Variants in RFC3 observed in about 807,000 individuals in gnomAD.
RFC3 encodes A1 38 kDa subunit.
RFC3 carries 41 observed loss-of-function variants against 45.1 expected under a neutral mutation model. The ratio of observed to expected loss-of-function variants is 0.91; its 90% CI spans 0.71 to 1.18. The LOEUF (loss-of-function observed/expected upper bound fraction) is 1.18. Ranked by LOEUF, RFC3 falls within the 50% of genes most tolerant of loss-of-function variation. RFC3 has a pLI of 0.00. For missense variants in RFC3, 423 were observed against 428.1 expected, an observed-to-expected ratio of 0.99 and a Z score of 0.10; for synonymous variants, 149 against 144.0, an observed-to-expected ratio of 1.03 and a Z score of -0.25.
intron 8 of RFC3, among the ~76,000 whole-genome samples, chr13:33,965,370 A>T (rs759913587): frequency 2.6e-4 from 39 of 152,262 alleles, no homozygotes; most frequent in Non-Finnish European, 5.3e-4. Context: ...CACAAATACC[A>T]TTGCCAAGAG....
At chr13:33,818,719 G>T (rs2081972190) in intron 1 of RFC3, among the ~76,000 whole-genome samples, 1 of 152,102 alleles carries the variant, frequency 6.6e-6, no homozygotes, top group Non-Finnish European at 1.5e-5. Flanking sequence ...AGAAGCCGTT[G>T]GAGCATTTTG....
At chr13:33,840,068 G>A (rs1593627194), downstream of RFC3, among the ~76,000 whole-genome samples, 1 of 152,154 alleles carries the variant, frequency 6.6e-6, no homozygotes, top group East Asian at 1.9e-4. Flanking sequence ...AACAGTTTGA[G>A]TAAGAAGCGT....
chr13:33,939,223 A>G (rs2082908511), intron 8 of RFC3, among the ~76,000 whole-genome samples: 1 of 152,192 alleles, frequency 6.6e-6, no homozygotes, highest in African/African-American at 2.4e-5. Flanking sequence ...TTTAATTTAA[A>G]TATAGTCCAA....
In RFC3 at chr13:33,917,917, A is replaced by G. The variant is rs900083037; in HGVS notation, c.880-48170A>G. Among the ~76,000 whole-genome samples the G allele has an allele frequency of 2.4e-4, 36 of 152,222 alleles. 1 individual carries two copies. Among genetic ancestry groups the G allele is most frequent in the African/African-American group, 8.7e-4 (36 of 41,550 alleles). Reference sequence around the variant, plus strand: ...GGGGCAGCCAGTAAGGGGGTGTCAGAGATGAATCTGAAGGATCTGGTTTTA... The same window carrying G: ...GGGGCAGCCAGTAAGGGGGTGTCAGGGATGAATCTGAAGGATCTGGTTTTA... On this transcript the variant is annotated intron_variant, in intron 8 of 8. Transcript: ENST00000434425.
At chr13:33,946,909 T>G (rs1246341829) in intron 8 of RFC3, among the ~76,000 whole-genome samples, 2 of 152,246 alleles carry the variant, frequency 1.3e-5, no homozygotes, top group Admixed American at 1.3e-4. Flanking sequence ...GTTGGCAGTT[T>G]GTACAGATCT....
chr13:33,849,560 T>G (rs2082262811), intron 8 of RFC3: 1 of 152,148 alleles, frequency 6.6e-6, no homozygotes. Flanking sequence ...GTGATTTTTT[T>G]TTTTAAGTGA....
chr13:33,932,467 T>A (rs1161893700), intron 8 of RFC3, among the ~76,000 whole-genome samples: 1 of 152,146 alleles, frequency 6.6e-6, no homozygotes, highest in Non-Finnish European at 1.5e-5. Context: ...TTTATTGGGA[T>A]CTTCTTTCAT....
At chr13:33,844,297 G>A (rs1208602984) in intron 8 of RFC3, among the ~76,000 whole-genome samples, 1 of 152,188 alleles carries the variant, frequency 6.6e-6, no homozygotes, top group Non-Finnish European at 1.5e-5. Context: ...TGTTAGTGAT[G>A]ACTGTGGCCT....
chr13:33,945,669 A>G (rs901431786), intron 8 of RFC3, among the ~76,000 whole-genome samples: 1 of 152,212 alleles, frequency 6.6e-6, no homozygotes, highest in Non-Finnish European at 1.5e-5. Context: ...AGATTGGCAA[A>G]TGATAACACT....
At chr13:33,925,485 TAC>T (rs1445595734) in intron 8 of RFC3, among the ~76,000 whole-genome samples, 2 of 142,508 alleles carry the variant, frequency 1.4e-5, no homozygotes, top group Admixed American at 1.4e-4. Context: ...TATACATACA[TAC>T]ATAGTGTACT....
intron 8 of RFC3, among the ~76,000 whole-genome samples, chr13:33,912,464 G>C (rs558829697): frequency 2.6e-4 from 39 of 152,230 alleles, no homozygotes; most frequent in African/African-American, 8.9e-4. Context: ...CTTTGAAATA[G>C]ATAGAGGTTA....
intron 8 of RFC3, among the ~76,000 whole-genome samples, chr13:33,888,324 C>G (rs1436935031): frequency 2.6e-5 from 4 of 152,200 alleles, no homozygotes; most frequent in Admixed American, 6.5e-5. Flanking sequence ...AACTCTTACT[C>G]ACCCTTCAAG....
At chr13:33,908,406 T>C (rs1020583936) in intron 8 of RFC3, among the ~76,000 whole-genome samples, 1 of 151,990 alleles carries the variant, frequency 6.6e-6, no homozygotes, top group Non-Finnish European at 1.5e-5. Flanking sequence ...TATCTGTGAT[T>C]TCAGAGGCAG....
chr13:33,961,832 C>A (rs1483616814), intron 8 of RFC3, among the ~76,000 whole-genome samples: 2 of 152,152 alleles, frequency 1.3e-5, no homozygotes, highest in Non-Finnish European at 2.9e-5. Flanking sequence ...ATCTCAGTAA[C>A]CCCATGGAAG....
rs34685731 is a variant in RFC3 at position 33,938,184 on chromosome 13, CA to C, written c.880-27879del. ...CACAGCTCAAGATAAAGTCCAACTG[CA>C]AAAAAAAAAAAAAAAAAAAAAAAGT... On this transcript the variant is annotated intron_variant, in intron 8 of 8. Coordinates refer to the RFC3 transcript ENST00000434425. 3.8e-3 allele frequency among the ~76,000 whole-genome samples: 270 copies of C among 70,756 alleles called. 2 individuals are homozygous for C. Among genetic ancestry groups the C allele is most frequent in the African/African-American group, 0.015 (256 of 17,118 alleles). 46.4% of individuals were successfully genotyped at this position (70,756 alleles called of 152,430 possible). A position where few individuals can be genotyped will look rare whatever the true frequency, so the allele number is the denominator to read the frequency against.
chr13:33,896,559 G>C (rs2082600062), intron 8 of RFC3, among the ~76,000 whole-genome samples: 1 of 151,388 alleles, frequency 6.6e-6, no homozygotes, highest in Admixed American at 6.6e-5. Flanking sequence ...CCCTGATTCT[G>C]CTAAAAATAC....
At chr13:33,901,061 G>A (rs2082638485) in intron 8 of RFC3, among the ~76,000 whole-genome samples, 1 of 151,918 alleles carries the variant, frequency 6.6e-6, no homozygotes, top group Non-Finnish European at 1.5e-5. Context: ...TGAGGATGTG[G>A]AGAGAGGGGG....
chr13:33,871,443 A>G (rs775637950), intron 8 of RFC3, among the ~76,000 whole-genome samples: 1 of 152,062 alleles, frequency 6.6e-6, no homozygotes, highest in East Asian at 1.9e-4. Flanking sequence ...TCTTGCTTTT[A>G]TCATCCCACC....
At chr13:33,893,637 A>G (rs1342105610) in intron 8 of RFC3, among the ~76,000 whole-genome samples, 2 of 152,098 alleles carry the variant, frequency 1.3e-5, no homozygotes, top group African/African-American at 4.8e-5. Flanking sequence ...AACACAGAAA[A>G]TCAATGCAGA....
Sources: allele counts gnomAD v4.1 joint callset (sites outside exome capture counted in the v4.1 genomes callset), GRCh38; gene constraint gnomAD v4.1.1; transcripts MANE v1.5; gene names NCBI Gene and HGNC (gene_info 2026-07-23, HGNC 2026-07-21).